The following SH3GLB1 variants were observed in gnomAD, a reference collection of about 807,000 sequenced individuals.
The protein encoded by SH3GLB1 is endophilin-B1.
SH3GLB1 carries 17 observed loss-of-function variants against 42.0 expected under a neutral mutation model. The ratio of observed to expected loss-of-function variants is 0.40; its 90% CI spans 0.28 to 0.61. SH3GLB1 has a LOEUF of 0.61. Among genes scored for constraint, SH3GLB1 ranks in the 20% least tolerant of loss-of-function variants. The pLI, the probability that SH3GLB1 is intolerant of heterozygous loss-of-function variation, is 0.36. For synonymous variants in SH3GLB1, 132 were observed against 146.6 expected, an observed-to-expected ratio of 0.90 and a Z score of 0.72; for missense variants, 355 against 426.3, an observed-to-expected ratio of 0.83 and a Z score of 1.47.
rs1367372223 is a variant in SH3GLB1 at position 86,704,756 on chromosome 1, G to T, written c.-144G>T. The T allele has an allele frequency of 1.0e-5, 5 of 500,392 alleles. No individual in the cohort carries two copies. Among genetic ancestry groups the T allele is most frequent in the African/African-American group, 6.2e-5 (3 of 48,274 alleles). The allele number at this position is 500,392 out of a possible 1,614,324, so 31.0% of individuals were successfully genotyped here. On this transcript the variant is annotated 5_prime_UTR_variant, in exon 1 of 9. Coordinates refer to ENST00000370558, the MANE Select transcript of SH3GLB1 (RefSeq NM_016009.5). Reference sequence around the variant, plus strand: ...CTTCATCCTCCCCGTTCACGGAAACGACAGCTGCGGCTGCGGGGCTGGCGC... The same window carrying T: ...CTTCATCCTCCCCGTTCACGGAAACTACAGCTGCGGCTGCGGGGCTGGCGC...
intron 5 of SH3GLB1, among the ~76,000 whole-genome samples, chr1:86,727,719 T>G (rs1655271310): frequency 6.6e-6 from 1 of 152,066 alleles, no homozygotes; most frequent in African/African-American, 2.4e-5. Context: ...TTTAGTAATG[T>G]TAAAGATAAA....
At chr1:86,737,094 C>T (rs951120070) in intron 7 of SH3GLB1, among the ~76,000 whole-genome samples, 4 of 152,244 alleles carry the variant, frequency 2.6e-5, no homozygotes, top group Admixed American at 6.5e-5. Flanking sequence ...TAATCCTCAC[C>T]ACCAAATGAG....
chr1:86,738,495 G>C (rs1349051998), intron 7 of SH3GLB1, among the ~76,000 whole-genome samples: 1 of 152,066 alleles, frequency 6.6e-6, no homozygotes, highest in Non-Finnish European at 1.5e-5. Context: ...TCGATCTCCT[G>C]ACCTTGTGAT....
intron 1 of SH3GLB1, among the ~76,000 whole-genome samples, chr1:86,710,484 C>G (rs963994597): frequency 4.6e-5 from 7 of 152,208 alleles, no homozygotes; most frequent in Admixed American, 1.3e-4. Flanking sequence ...AGGCTAGTCT[C>G]GAACTCCTGA....
intron 5 of SH3GLB1, chr1:86,728,441 G>A (rs1378177936): frequency 6.4e-7 from 1 of 1,559,316 alleles, no homozygotes; most frequent in Admixed American, 1.9e-5. Flanking sequence ...ATAACATTAT[G>A]GTAAATTTCT....
intron 5 of SH3GLB1, among the ~76,000 whole-genome samples, chr1:86,727,010 C>G (rs1468810001): frequency 6.6e-6 from 1 of 151,954 alleles, no homozygotes; most frequent in African/African-American, 2.4e-5. Context: ...GGTTTGGGAT[C>G]TATCCATATT....
chr1:86,743,046 C>A, intron 8 of SH3GLB1, 82 bp from the exon 9 acceptor site: 1 of 1,088,010 alleles, frequency 9.2e-7, no homozygotes, highest in African/African-American at 1.6e-5. Context: ...ATAATTTAAA[C>A]AAATTAAATA....
chr1:86,733,794 T>C (rs913418985), intron 5 of SH3GLB1, among the ~76,000 whole-genome samples: 5 of 152,170 alleles, frequency 3.3e-5, no homozygotes, highest in African/African-American at 9.7e-5. Context: ...TCTTCCCAGC[T>C]CCACAGTGTG....
intron 1 of SH3GLB1, 21 bp downstream of exon 1, chr1:86,704,992 A>T (rs1257630828): frequency 6.5e-7 from 1 of 1,539,574 alleles, no homozygotes; most frequent in Non-Finnish European, 8.8e-7. Flanking sequence ...GCTGGGGGGA[A>T]AAGGGGTGGC....
chr1:86,720,216 A>G (rs759201072), intron 3 of SH3GLB1, among the ~76,000 whole-genome samples: 42 of 152,080 alleles, frequency 2.8e-4, no homozygotes, highest in Admixed American at 3.9e-4. Context: ...ATCTTACAAT[A>G]CCTATGTTAT....
intron 5 of SH3GLB1, among the ~76,000 whole-genome samples, chr1:86,726,855 A>C (rs1655222130): frequency 6.6e-6 from 1 of 151,436 alleles, no homozygotes; most frequent in Non-Finnish European, 1.5e-5. Context: ...AATCACTAGG[A>C]GTTTGCTTTT....
In SH3GLB1 at chr1:86,729,626, A is replaced by T. The variant is rs184169091; in HGVS notation, c.571-4976A>T. Reference sequence around the variant, plus strand: ...GTGTTTACTATTAATGTAATCTTATAGTAATATATATTTACAGCTGGTCAT... The same window carrying T: ...GTGTTTACTATTAATGTAATCTTATTGTAATATATATTTACAGCTGGTCAT... On this transcript the variant is annotated intron_variant, in intron 5 of 8. Transcript: ENST00000370558. Among the ~76,000 whole-genome samples, 489 of 152,278 alleles carry T rather than the reference A, an allele frequency of 3.2e-3. 2 individuals carry two copies. The highest frequency in any genetic ancestry group is 5.0e-3 in the Non-Finnish European group (342 of 67,992).
intron 5 of SH3GLB1, among the ~76,000 whole-genome samples, chr1:86,733,839 T>C (rs977875560): frequency 6.6e-6 from 1 of 152,144 alleles, no homozygotes; most frequent in Non-Finnish European, 1.5e-5. Flanking sequence ...TCAGCTGTGG[T>C]GGGAGTATTT....
chr1:86,733,373 G>A (rs1655611527), intron 5 of SH3GLB1, among the ~76,000 whole-genome samples: 1 of 152,148 alleles, frequency 6.6e-6, no homozygotes, highest in Non-Finnish European at 1.5e-5. Context: ...GCCACCAAAG[G>A]ATGAGGAGAG....
In SH3GLB1 at chr1:86,735,199, A is replaced by G. The variant is rs770418797; in HGVS notation, c.761+20A>G. On this transcript the variant is annotated intron_variant, in intron 7 of 8. Transcript: ENST00000370558. ...GGGAAGGTGATAATTTACTTTTCAC[A>G]TGTAAAGAGGAGAAATTCAGATTTT... is the stretch of plus-strand genomic sequence containing the variant. The G allele has an allele frequency of 9.2e-6, 14 of 1,524,946 alleles. No individual in the cohort carries two copies. The African/African-American group carries it at 1.1e-4, about 12-fold the overall frequency. 94.5% of individuals were successfully genotyped at this position (1,524,946 alleles called of 1,614,324 possible). A position where few individuals can be genotyped will look rare whatever the true frequency, so the allele number is the denominator to read the frequency against.
At chr1:86,710,770 A>G (rs1654167347) in intron 1 of SH3GLB1, among the ~76,000 whole-genome samples, 2 of 152,380 alleles carry the variant, frequency 1.3e-5, no homozygotes, top group South Asian at 4.1e-4. Context: ...ACTCCAGCAC[A>G]GTGAAGTAAC....
Position 86,719,488 on chromosome 1 carries a change from A to C in SH3GLB1, c.215-19A>C. ...TTTTGCTTTTTAGAAATCATTGGTAATTTTAACCTTTCTCCTAGATGCCAG... is the reference window on the plus strand; with the variant it reads ...TTTTGCTTTTTAGAAATCATTGGTACTTTTAACCTTTCTCCTAGATGCCAG... On this transcript the variant is annotated intron_variant, in intron 2 of 8. Transcript: ENST00000370558. 1.3e-6 allele frequency: 2 copies of C among 1,590,366 alleles called. No individual in the cohort carries two copies. Among genetic ancestry groups the C allele is most frequent in the Non-Finnish European group, 1.7e-6 (2 of 1,171,480 alleles).
chr1:86,748,118 CATTTT>C lies in SH3GLB1; in HGVS notation c.*4887_*4891del, dbSNP rs141790894. On this transcript the variant is annotated 3_prime_UTR_variant, in exon 9 of 9. Coordinates refer to ENST00000370558, the MANE Select transcript of SH3GLB1 (RefSeq NM_016009.5). ...GCATGATATTCCATCATATGTGCCA[CATTTT>C]ATTAAACTACTGTTCAATTTTTAGG... The C allele has an allele frequency of 2.4e-3, 361 of 152,086 alleles. 3 individuals carry two copies. The highest frequency in any genetic ancestry group is 8.3e-3 in the African/African-American group (343 of 41,496). The allele number at this position is 152,086 out of a possible 1,614,324, so 9.4% of individuals were successfully genotyped here.
chr1:86,714,357 C>G (rs529216594), intron 1 of SH3GLB1, among the ~76,000 whole-genome samples: 49 of 152,290 alleles, frequency 3.2e-4, no homozygotes, highest in African/African-American at 1.2e-3. Flanking sequence ...AGTGCCCAGT[C>G]CTCCAGCTAC....
Sources: allele counts gnomAD v4.1 joint callset (sites outside exome capture counted in the v4.1 genomes callset), GRCh38; gene constraint gnomAD v4.1.1; transcripts MANE v1.5; gene names NCBI Gene and HGNC (gene_info 2026-07-23, HGNC 2026-07-21).